Variants in TWIST2 observed in about 807,000 individuals in gnomAD.
TWIST2 encodes the protein twist-related protein 2.
In TWIST2, 1 loss-of-function variant was observed where a neutral mutation model predicts 11.6. The observed-to-expected ratio is 0.09, with a 90% CI of 0.03 to 0.41. The LOEUF (loss-of-function observed/expected upper bound fraction) is 0.41, where lower values mean the gene tolerates loss of function less well. Ranked by LOEUF, TWIST2 falls within the 10% of genes least tolerant of loss-of-function variation. TWIST2 has a pLI of 0.98. For missense variants in TWIST2, 168 were observed against 226.4 expected (o/e 0.74, Z 1.66); for synonymous variants, 87 against 96.6 (o/e 0.90, Z 0.58).
intron 1 of TWIST2, among the ~76,000 whole-genome samples, chr2:238,870,545 A>ACG (rs1692656373): frequency 1.7e-5 from 2 of 118,788 alleles, no homozygotes; most frequent in Non-Finnish European, 1.7e-5. Flanking sequence ...TACATACCCC[A>ACG]CACACCCCAC....
intron 1 of TWIST2, among the ~76,000 whole-genome samples, chr2:238,857,311 TCAC>T (rs1230851252): frequency 6.6e-6 from 1 of 152,174 alleles, no homozygotes; most frequent in Non-Finnish European, 1.5e-5. Context: ...AAGGCCCAAG[TCAC>T]CTATCAGCTC....
intron 1 of TWIST2, among the ~76,000 whole-genome samples, chr2:238,892,188 TGA>T (rs34205967): frequency 0.57 from 85,630 of 151,496 alleles, 25,455 homozygotes; most frequent in Middle Eastern, 0.7. Flanking sequence ...ACTCAGCGGG[TGA>T]GAGACTCCGG....
intron 1 of TWIST2, among the ~76,000 whole-genome samples, chr2:238,876,104 A>T (rs1224299216): frequency 1.3e-5 from 2 of 152,166 alleles, no homozygotes; most frequent in African/African-American, 4.8e-5. Context: ...AAATCCTCCC[A>T]GTGCACCGGT....
Position 238,852,095 on chromosome 2 carries a change from C to T in TWIST2, c.*35+3362C>T, listed in dbSNP as rs566681418. On this transcript the variant is annotated intron_variant, in intron 1 of 1. Coordinates refer to ENST00000612363, the MANE Select transcript of TWIST2 (RefSeq NM_001271893.4). Reference sequence around the variant, plus strand: ...CTTGCTTCACTCTGTTCTGGGTAGACGGCACAGATGCCGGATTCCTTTTGC... The same window carrying T: ...CTTGCTTCACTCTGTTCTGGGTAGATGGCACAGATGCCGGATTCCTTTTGC... Among the ~76,000 whole-genome samples the T allele has an allele frequency of 9.9e-5, 15 of 151,968 alleles. No homozygotes were observed. The South Asian group carries it at 1.9e-3, about 19-fold the overall frequency.
At chr2:238,877,006 C>A (rs564737489) in intron 1 of TWIST2, among the ~76,000 whole-genome samples, 1 of 152,228 alleles carries the variant, frequency 6.6e-6, no homozygotes, top group East Asian at 1.9e-4. Flanking sequence ...ACTAGCCTGG[C>A]CAACATGCTG....
intron 1 of TWIST2, among the ~76,000 whole-genome samples, chr2:238,868,338 G>T (rs1353078495): frequency 6.6e-6 from 1 of 152,222 alleles, no homozygotes; most frequent in Non-Finnish European, 1.5e-5. Flanking sequence ...CCCCCAGCCT[G>T]CTCTGGTAAG....
chr2:238,871,752 A>G (rs2106360242), intron 1 of TWIST2, among the ~76,000 whole-genome samples: 1 of 150,810 alleles, frequency 6.6e-6, no homozygotes, highest in South Asian at 2.1e-4. Flanking sequence ...GGACCATAGC[A>G]TGGATGAACC....
At chr2:238,898,753 G>A (rs1052740990) in intron 1 of TWIST2, among the ~76,000 whole-genome samples, 42 of 152,368 alleles carry the variant, frequency 2.8e-4, no homozygotes, top group African/African-American at 9.4e-4. Context: ...TGAGGCTTCC[G>A]TTGGGGTGGG....
intron 1 of TWIST2, among the ~76,000 whole-genome samples, chr2:238,875,544 T>A (rs759313744): frequency 7.9e-5 from 12 of 152,158 alleles, no homozygotes; most frequent in Non-Finnish European, 1.6e-4. Context: ...CTGGCATTGG[T>A]TTGCTTTGTT....
intron 1 of TWIST2, among the ~76,000 whole-genome samples, chr2:238,900,968 C>T (rs2106372981): frequency 6.6e-6 from 1 of 150,446 alleles, no homozygotes; most frequent in South Asian, 2.1e-4. Flanking sequence ...TGCCCTATCC[C>T]TTCTCCTTCC....
At chr2:238,893,570 C>A (rs1329819183) in intron 1 of TWIST2, among the ~76,000 whole-genome samples, 3 of 152,164 alleles carry the variant, frequency 2.0e-5, no homozygotes, top group African/African-American at 7.2e-5. Context: ...TGTTCCTCCG[C>A]TCTCTGAGCA....
intron 1 of TWIST2, among the ~76,000 whole-genome samples, chr2:238,881,506 G>T (rs558736051): frequency 1.3e-5 from 2 of 151,742 alleles, no homozygotes; most frequent in East Asian, 3.9e-4. Context: ...TATTAATGTT[G>T]GTGTTAGTAT....
chr2:238,905,922 TGTGC>T (rs2106375641), intron 1 of TWIST2, among the ~76,000 whole-genome samples: 3 of 117,206 alleles, frequency 2.6e-5, no homozygotes, highest in Admixed American at 1.6e-4. Context: ...TGCGTGCAGG[TGTGC>T]GTGTGCGCGT....
rs1034064413 is a variant in TWIST2, at chr2:238,910,531, C to T, written c.*725C>T. ...CACCCAGGAAAAATAAAGACGTCCG[C>T]GCAGCCATGGTCTCCCCATCTCTGT... is the stretch of plus-strand genomic sequence containing the variant. On this transcript the variant is annotated 3_prime_UTR_variant, in exon 2 of 2. Transcript: ENST00000612363. The T allele has an allele frequency of 5.3e-5, 8 of 152,196 alleles. No homozygotes were observed. The highest frequency in any genetic ancestry group is 1.7e-4 in the African/African-American group (7 of 41,438). 9.4% of individuals were successfully genotyped at this position (152,196 alleles called of 1,614,324 possible).
rs1029033265 is a variant in TWIST2 at position 238,867,725 on chromosome 2, A to G, written c.*35+18992A>G. On this transcript the variant is annotated intron_variant, in intron 1 of 1. Coordinates refer to ENST00000612363, the MANE Select transcript of TWIST2 (RefSeq NM_001271893.4). The surrounding 1 kb of genome is among the most constrained non-coding windows in gnomAD (Gnocchi z 4.8). ...ACCCTTAGGTATTGAGTGCCCTGAAACTAGAAACTGAAAAGGCAGTCACAT... is the reference window on the plus strand; with the variant it reads ...ACCCTTAGGTATTGAGTGCCCTGAAGCTAGAAACTGAAAAGGCAGTCACAT... Among the ~76,000 whole-genome samples the G allele has an allele frequency of 8.5e-5, 13 of 152,184 alleles. No homozygotes were observed. The highest frequency in any genetic ancestry group is 3.1e-4 in the African/African-American group (13 of 41,442).
chr2:238,899,743 C>T (rs1401610450), intron 1 of TWIST2, among the ~76,000 whole-genome samples: 2 of 152,200 alleles, frequency 1.3e-5, no homozygotes, highest in East Asian at 1.9e-4. Flanking sequence ...CCCGACTTGA[C>T]TTGATTTGCT....
intron 1 of TWIST2, among the ~76,000 whole-genome samples, chr2:238,860,768 G>C (rs1239928384): frequency 6.6e-6 from 1 of 152,150 alleles, no homozygotes; most frequent in African/African-American, 2.4e-5. Flanking sequence ...CGAAACCCCG[G>C]TTCTACCAAA....
At chr2:238,877,937 TG>T (rs934215713) in intron 1 of TWIST2, among the ~76,000 whole-genome samples, 2 of 152,266 alleles carry the variant, frequency 1.3e-5, no homozygotes, top group African/African-American at 4.8e-5. Flanking sequence ...CTGGGTGCAC[TG>T]GGGGCCAGGC....
At chr2:238,878,122 C>T (rs1692838369) in intron 1 of TWIST2, among the ~76,000 whole-genome samples, 1 of 152,110 alleles carries the variant, frequency 6.6e-6, no homozygotes, top group Non-Finnish European at 1.5e-5. Flanking sequence ...CAAGAACAGC[C>T]CAGGATGTCG....
Sources: allele counts gnomAD v4.1 joint callset (sites outside exome capture counted in the v4.1 genomes callset), GRCh38; gene constraint gnomAD v4.1.1; non-coding constraint Gnocchi (gnomAD v3.1); transcripts MANE v1.5; gene names NCBI Gene and HGNC (gene_info 2026-07-23, HGNC 2026-07-21).